Variants in GATAD2A observed in about 807,000 individuals in gnomAD.
The protein encoded by GATAD2A is transcriptional repressor p66-alpha.
Under a neutral mutation model 68.5 loss-of-function variants are expected in GATAD2A, and 12 were observed. The observed-to-expected ratio is 0.18, with a 90% CI of 0.11 to 0.28. The LOEUF is 0.28. Ranked by LOEUF, GATAD2A falls within the 10% of genes least tolerant of loss-of-function variation. GATAD2A has a pLI of 1.00. For missense variants in GATAD2A, 755 were observed against 868.5 expected, an observed-to-expected ratio of 0.87 and a Z score of 1.64; for synonymous variants, 410 against 375.3, an observed-to-expected ratio of 1.09 and a Z score of -1.07.
At chr19:19,427,427 G>A (rs1008005949) in intron 1 of GATAD2A, 1 of 149,010 alleles carries the variant, frequency 6.7e-6, no homozygotes, top group African/African-American at 2.5e-5. Context: ...TTCCTAGCTT[G>A]TGCTAAGTAC....
chr19:19,493,733 C>T (rs2059960221), intron 4 of GATAD2A, among the ~76,000 whole-genome samples: 1 of 149,516 alleles, frequency 6.7e-6, no homozygotes, highest in African/African-American at 2.5e-5. Context: ...CCACTGCCCC[C>T]GCGCCCCCTC....
intron 1 of GATAD2A, among the ~76,000 whole-genome samples, chr19:19,450,463 G>A (rs1178440046): frequency 6.6e-6 from 1 of 152,132 alleles, no homozygotes; most frequent in African/African-American, 2.4e-5. Context: ...TTATGTATTT[G>A]GTGGCCTGAG....
chr19:19,490,996 C>T (rs946153828), intron 2 of GATAD2A, among the ~76,000 whole-genome samples: 6 of 152,336 alleles, frequency 3.9e-5, no homozygotes, highest in African/African-American at 7.2e-5. Flanking sequence ...TTGGGACTTG[C>T]GTTGGGTCAG....
Position 19,413,243 on chromosome 19 carries a change from ACCAC to A in GATAD2A, c.-7+7226_-7+7229del, listed in dbSNP as rs200384128. Among the ~76,000 whole-genome samples the A allele has an allele frequency of 5.3e-3, 802 of 152,294 alleles. 6 individuals carry two copies. The highest frequency in any genetic ancestry group is 0.041 in the South Asian group (197 of 4,824). ...CCAGCAAGTTTTGAAAACTGCTGCT[ACCAC>A]CTTCGTTCACATCCGCAGAGGAACA... On this transcript the variant is annotated intron_variant, in intron 1 of 11. Coordinates refer to ENST00000683918, the MANE Select transcript of GATAD2A (RefSeq NM_001384528.1).
chr19:19,435,686 C>A (rs752319748), intron 1 of GATAD2A, among the ~76,000 whole-genome samples: 103 of 152,270 alleles, frequency 6.8e-4, no homozygotes, highest in Admixed American at 2.5e-3. Context: ...CCCGTCTCTA[C>A]TAAAAATACA....
chr19:19,397,359 C>G (rs1195510734), intron 1 of GATAD2A, among the ~76,000 whole-genome samples: 1 of 151,598 alleles, frequency 6.6e-6, no homozygotes, highest in Non-Finnish European at 1.5e-5. Flanking sequence ...TCTCCTGCCT[C>G]AGCAGGAGAA....
At chr19:19,485,596 G>C (rs1360644657) in intron 2 of GATAD2A, among the ~76,000 whole-genome samples, 1 of 152,228 alleles carries the variant, frequency 6.6e-6, no homozygotes, top group African/African-American at 2.4e-5. Flanking sequence ...TCAGGCAGAA[G>C]CTGCAAGGCT....
chr19:19,399,092 C>T (rs2049500970), intron 1 of GATAD2A, among the ~76,000 whole-genome samples: 1 of 152,052 alleles, frequency 6.6e-6, no homozygotes, highest in Admixed American at 6.5e-5. Flanking sequence ...GGCATGGTGG[C>T]CCACGCCTGT....
At chr19:19,503,508 G>A (rs2060679191) in intron 11 of GATAD2A, among the ~76,000 whole-genome samples, 1 of 152,248 alleles carries the variant, frequency 6.6e-6, no homozygotes, top group South Asian at 2.1e-4. Flanking sequence ...CAGACGTTCT[G>A]CTCAGCAGGT....
At chr19:19,442,123 G>C (rs959553333) in intron 1 of GATAD2A, among the ~76,000 whole-genome samples, 1 of 151,536 alleles carries the variant, frequency 6.6e-6, no homozygotes, top group African/African-American at 2.4e-5. Flanking sequence ...GCCTCCCAAA[G>C]TGCTGGGATT....
At chr19:19,479,047 G>A (rs1454759136) in intron 2 of GATAD2A, among the ~76,000 whole-genome samples, 1 of 152,186 alleles carries the variant, frequency 6.6e-6, no homozygotes, top group African/African-American at 2.4e-5. Flanking sequence ...GCATGGAGAA[G>A]AGGTTGGAGA....
At chr19:19,396,991 C>G (rs2049301527) in intron 1 of GATAD2A, among the ~76,000 whole-genome samples, 1 of 152,194 alleles carries the variant, frequency 6.6e-6, no homozygotes, top group Non-Finnish European at 1.5e-5. Context: ...CAGGCGTGAG[C>G]CACTGCTCCC....
At chr19:19,464,989 A>C (rs567577425) in intron 1 of GATAD2A, 15 of 352,852 alleles carry the variant, frequency 4.3e-5, no homozygotes, top group Non-Finnish European at 7.5e-5. Flanking sequence ...ATCTAGAACA[A>C]CTTTTCCTCT....
intron 4 of GATAD2A, among the ~76,000 whole-genome samples, chr19:19,493,590 A>G (rs570647722): frequency 1.3e-4 from 20 of 152,182 alleles, no homozygotes; most frequent in Non-Finnish European, 2.6e-4. Flanking sequence ...GTTCTGGGAA[A>G]CTCCGACCTT....
intron 2 of GATAD2A, among the ~76,000 whole-genome samples, chr19:19,484,532 C>CTTTTTTTTTTTTTTTTTTTTTT (rs897099165): frequency 6.9e-5 from 6 of 86,958 alleles, no homozygotes; most frequent in Admixed American, 1.3e-4. Flanking sequence ...TTTTTTTTTT[C>CTTTTTTTTTTTTTTTTTTTTTT]TTTTTTTTTT....
intron 1 of GATAD2A, chr19:19,429,099 T>C (rs1309790727): frequency 1.5e-6 from 1 of 669,592 alleles, no homozygotes; most frequent in African/African-American, 2.0e-5. Flanking sequence ...CCCCATTTTG[T>C]AGTCTCCTCC....
intron 1 of GATAD2A, among the ~76,000 whole-genome samples, chr19:19,390,743 G>A (rs1599957514): frequency 6.6e-6 from 1 of 152,314 alleles, no homozygotes; most frequent in East Asian, 1.9e-4. Context: ...GATCACATGC[G>A]TATTATGAGA....
intron 1 of GATAD2A, among the ~76,000 whole-genome samples, chr19:19,448,480 A>AGTTGT (rs746137944): frequency 2.3e-4 from 35 of 152,118 alleles, no homozygotes; most frequent in South Asian, 4.1e-4. Context: ...AGCTATTGGT[A>AGTTGT]GTTGTGTTGT....
chr19:19,473,464 G>A (rs1278096094), intron 2 of GATAD2A, among the ~76,000 whole-genome samples: 3 of 152,142 alleles, frequency 2.0e-5, no homozygotes, highest in Non-Finnish European at 4.4e-5. Flanking sequence ...TGACACTGGT[G>A]TCCTTGATGA....
Sources: allele counts gnomAD v4.1 joint callset (sites outside exome capture counted in the v4.1 genomes callset), GRCh38; gene constraint gnomAD v4.1.1; transcripts MANE v1.5; gene names NCBI Gene and HGNC (gene_info 2026-07-23, HGNC 2026-07-21).